Variants in IGSF21 observed in about 807,000 individuals in gnomAD.
The protein encoded by IGSF21 is immunoglobulin superfamily member 21.
In IGSF21, 28 loss-of-function variants were observed where a neutral mutation model predicts 46.8. The ratio of observed to expected loss-of-function variants is 0.60; its 90% CI spans 0.44 to 0.82. The LOEUF (loss-of-function observed/expected upper bound fraction) is 0.82. Ranked by LOEUF, IGSF21 falls within the 40% of genes least tolerant of loss-of-function variation. IGSF21 has a pLI of 0.00. For missense variants in IGSF21, 624 were observed against 665.5 expected, an observed-to-expected ratio of 0.94 and a Z score of 0.69; for synonymous variants, 284 against 273.6, an observed-to-expected ratio of 1.04 and a Z score of -0.38.
At chr1:18,190,859 G>A (rs902383600) in intron 1 of IGSF21, among the ~76,000 whole-genome samples, 1 of 152,226 alleles carries the variant, frequency 6.6e-6, no homozygotes, top group African/African-American at 2.4e-5. Flanking sequence ...CTTGGCCTGT[G>A]ATTGAGGGGA....
chr1:18,289,104 C>A (rs1298034358), intron 2 of IGSF21, among the ~76,000 whole-genome samples: 3 of 151,768 alleles, frequency 2.0e-5, no homozygotes, highest in African/African-American at 7.3e-5. Flanking sequence ...TCAGTCTCGG[C>A]GAATAAATTT....
intron 2 of IGSF21, chr1:18,279,028 C>T: frequency 2.4e-6 from 1 of 411,368 alleles, no homozygotes; most frequent in Non-Finnish European, 5.1e-6. Context: ...CTGTCAAATG[C>T]AGACAGCACT....
chr1:18,129,360 G>A (rs1053726382), intron 1 of IGSF21, among the ~76,000 whole-genome samples: 1 of 152,172 alleles, frequency 6.6e-6, no homozygotes, highest in African/African-American at 2.4e-5. Flanking sequence ...TGCTGGGTCA[G>A]CAGAGGGGGA....
intron 6 of IGSF21, among the ~76,000 whole-genome samples, chr1:18,375,377 C>T (rs776300819): frequency 6.6e-6 from 1 of 151,778 alleles, no homozygotes; most frequent in African/African-American, 2.4e-5. Flanking sequence ...TTAACTGGCT[C>T]TGTGAGTGAC....
At chr1:18,144,303 G>A (rs943480658) in intron 1 of IGSF21, among the ~76,000 whole-genome samples, 5 of 152,014 alleles carry the variant, frequency 3.3e-5, no homozygotes, top group African/African-American at 4.8e-5. Flanking sequence ...GTCCACAGGC[G>A]GCTCACAGAC....
intron 1 of IGSF21, among the ~76,000 whole-genome samples, chr1:18,143,540 C>A (rs2086437671): frequency 6.6e-6 from 1 of 152,170 alleles, no homozygotes; most frequent in African/African-American, 2.4e-5. Context: ...TTGTCAGTGT[C>A]CAGCTCCCCA....
chr1:18,293,961 T>C (rs776482808), intron 3 of IGSF21, among the ~76,000 whole-genome samples: 1 of 152,180 alleles, frequency 6.6e-6, no homozygotes, highest in Non-Finnish European at 1.5e-5. Context: ...AAGACCCAGA[T>C]GAAAATCCCA....
chr1:18,182,673 T>C (rs558741060), intron 1 of IGSF21, among the ~76,000 whole-genome samples: 1 of 152,328 alleles, frequency 6.6e-6, no homozygotes, highest in South Asian at 2.1e-4. Context: ...CATGCATGGA[T>C]GAATGAATGA....
At chr1:18,186,640 C>T (rs1164535213) in intron 1 of IGSF21, among the ~76,000 whole-genome samples, 3 of 152,218 alleles carry the variant, frequency 2.0e-5, no homozygotes, top group African/African-American at 4.8e-5. Flanking sequence ...AAAAAACACT[C>T]ATCTGATCGT....
At chr1:18,187,307 C>T (rs998410041) in intron 1 of IGSF21, among the ~76,000 whole-genome samples, 8 of 152,106 alleles carry the variant, frequency 5.3e-5, no homozygotes, top group Admixed American at 2.0e-4. Flanking sequence ...CTAATCCCAT[C>T]ATAAGGGCCT....
intron 2 of IGSF21, among the ~76,000 whole-genome samples, chr1:18,275,207 CAG>C (rs2085088186): frequency 6.6e-6 from 1 of 152,218 alleles, no homozygotes. Flanking sequence ...AGGCTCTGGG[CAG>C]AGTTAGAAGT....
At chr1:18,132,025 T>C (rs1332281678) in intron 1 of IGSF21, among the ~76,000 whole-genome samples, 1 of 152,212 alleles carries the variant, frequency 6.6e-6, no homozygotes, top group Non-Finnish European at 1.5e-5. Context: ...AAATACCTCA[T>C]TTACTTGCCT....
chr1:18,161,419 T>C (rs998208465), intron 1 of IGSF21, among the ~76,000 whole-genome samples: 5 of 152,106 alleles, frequency 3.3e-5, no homozygotes, highest in African/African-American at 4.8e-5. Context: ...CATCGTGCCC[T>C]GTATTCTGAG....
At chr1:18,116,962 T>C (rs781204961) in intron 1 of IGSF21, among the ~76,000 whole-genome samples, 3 of 152,076 alleles carry the variant, frequency 2.0e-5, no homozygotes, top group Non-Finnish European at 4.4e-5. Context: ...CAGGTCCTGG[T>C]TGAGAAGCTG....
rs141477832 is a variant in IGSF21, at chr1:18,316,708, C to T, written c.306-18184C>T. On this transcript the variant is annotated intron_variant, in intron 3 of 9. Transcript: ENST00000251296. Reference sequence around the variant, plus strand: ...TAACTCTGGGCATCTTATTAGACCTCTCTGTGCCTCAGTTTCCTCAACTGT... The same window carrying T: ...TAACTCTGGGCATCTTATTAGACCTTTCTGTGCCTCAGTTTCCTCAACTGT... Among the ~76,000 whole-genome samples the T allele has an allele frequency of 6.7e-3, 1,028 of 152,308 alleles. 3 individuals are homozygous for T. The highest frequency in any genetic ancestry group is 0.011 in the Non-Finnish European group (736 of 68,038).
chr1:18,250,098 G>GCTCCCTCCCTCGCTCC (rs2084824776), intron 2 of IGSF21, among the ~76,000 whole-genome samples: 1 of 59,842 alleles, frequency 1.7e-5, no homozygotes, highest in African/African-American at 7.8e-5. Flanking sequence ...TCCCTCCCTC[G>GCTCCCTCCCTCGCTCC]CTCCCTCCCT....
At chr1:18,372,653 G>GATGGATGGATGGATGGATGT (rs1557666116) in intron 6 of IGSF21, among the ~76,000 whole-genome samples, 246 of 150,810 alleles carry the variant, frequency 1.6e-3, no homozygotes, top group African/African-American at 5.5e-3. Flanking sequence ...TGGATGGATG[G>GATGGATGGATGGATGGATGT]ATGTTTGGAT....
At chr1:18,245,241 C>A (rs1050950343) in intron 2 of IGSF21, among the ~76,000 whole-genome samples, 2 of 152,082 alleles carry the variant, frequency 1.3e-5, no homozygotes, top group Non-Finnish European at 2.9e-5. Flanking sequence ...TCCAATTTCA[C>A]CTAGAATTTT....
intron 2 of IGSF21, among the ~76,000 whole-genome samples, chr1:18,288,159 C>A (rs1241520284): frequency 1.3e-5 from 2 of 152,114 alleles, no homozygotes; most frequent in African/African-American, 2.4e-5. Flanking sequence ...AATTAGGAAC[C>A]GAAATCAAAC....
Sources: allele counts gnomAD v4.1 joint callset (sites outside exome capture counted in the v4.1 genomes callset), GRCh38; gene constraint gnomAD v4.1.1; transcripts MANE v1.5; gene names NCBI Gene and HGNC (gene_info 2026-07-23, HGNC 2026-07-21).